The following MATN2 variants were observed in gnomAD, a reference collection of about 807,000 sequenced individuals.
MATN2 encodes matrilin 2.
A neutral mutation model predicts 103.2 loss-of-function variants in MATN2; 69 were observed. The observed-to-expected ratio is 0.67, with a 90% CI of 0.55 to 0.82. The LOEUF (loss-of-function observed/expected upper bound fraction) is 0.82, where lower values mean the gene tolerates loss of function less well. Ranked by LOEUF, MATN2 falls within the 40% of genes least tolerant of loss-of-function variation. The pLI is 0.00. For missense variants in MATN2, 1,023 were observed against 1,211.5 expected (o/e 0.84, Z 2.31); for synonymous variants, 429 against 450.2 (o/e 0.95, Z 0.60).
At chr8:98,011,663 T>G (rs895190575) in intron 10 of MATN2, among the ~76,000 whole-genome samples, 2 of 152,248 alleles carry the variant, frequency 1.3e-5, no homozygotes, top group Non-Finnish European at 2.9e-5. Flanking sequence ...GGAAGCAGTG[T>G]AATTCTATCT....
rs1818719753 is a variant in MATN2, at chr8:97,893,944, G to A, written c.142+5702G>A. On this transcript the variant is annotated intron_variant, in intron 2 of 18. Transcript: ENST00000254898. The stretch of plus-strand genomic sequence containing the variant: ...GTCTTATGAGGTCTTGTTGACATAT[G>A]CATTCTTTTCTAAATTTACCAAACT... 2.0e-5 allele frequency among the ~76,000 whole-genome samples: 3 copies of A among 152,194 alleles called. No homozygotes were observed. The South Asian group carries it at 6.2e-4, about 32-fold the overall frequency.
At chr8:97,883,674 T>G (rs10111414) in intron 1 of MATN2, among the ~76,000 whole-genome samples, 12,814 of 151,654 alleles carry the variant, frequency 0.084, 1,517 homozygotes, top group African/African-American at 0.27. Context: ...TGCCTCAGCC[T>G]CCTGAGTAGC....
intron 4 of MATN2, among the ~76,000 whole-genome samples, chr8:97,958,023 A>G (rs980837358): frequency 3.9e-5 from 6 of 152,002 alleles, no homozygotes; most frequent in Admixed American, 1.3e-4. Context: ...TTCTCTACCT[A>G]CCCTGTGCAG....
intron 7 of MATN2, among the ~76,000 whole-genome samples, chr8:97,996,488 G>C (rs1812592795): frequency 6.6e-6 from 1 of 152,192 alleles, no homozygotes; most frequent in Admixed American, 6.5e-5. Flanking sequence ...TGTATATTCA[G>C]TGGGTATAGC....
Position 98,007,242 on chromosome 8 carries a change from G to A in MATN2, c.1450+15G>A, listed in dbSNP as rs757317098. On this transcript the variant is annotated intron_variant, in intron 9 of 18. Coordinates refer to ENST00000254898, the MANE Select transcript of MATN2 (RefSeq NM_002380.5). The surrounding 1 kb of genome is among the most constrained non-coding windows in gnomAD (Gnocchi z 4.2). ...GACCTGCTCCCGTGAGTCCCTCCGC[G>A]CTCCTCTCATAGGGGAAGGTTTGCA... The A allele has an allele frequency of 8.1e-6, 13 of 1,613,538 alleles. No individual in the cohort carries two copies. Among genetic ancestry groups the A allele is most frequent in the South Asian group, 5.5e-5 (5 of 91,054 alleles).
intron 10 of MATN2, among the ~76,000 whole-genome samples, chr8:98,009,733 G>A (rs1439112196): frequency 2.0e-5 from 3 of 152,194 alleles, no homozygotes; most frequent in Non-Finnish European, 4.4e-5. Context: ...CTCAGGGTGT[G>A]GGGGGTCGGG....
Position 97,888,211 on chromosome 8 carries a change from C to T in MATN2, c.111C>T (p.His37=), listed in dbSNP as rs372776833. 13 of 1,585,358 alleles carry T rather than the reference C, an allele frequency of 8.2e-6. No individual in the cohort carries two copies. Among genetic ancestry groups the T allele is most frequent in the South Asian group, 8.0e-5 (7 of 87,538 alleles). Residue 37 remains histidine (H), a synonymous_variant, in exon 2 of 19, where the codon CAC becomes CAT. Coordinates refer to ENST00000254898, the MANE Select transcript of MATN2 (RefSeq NM_002380.5). ...GGAGGTCCATCTCTAGGGGCAGACA[C>T]GCTCGGACCCACCCGCAGACGGCCC... ...SRGRSISRGR[H]ARTHPQTALL...
chr8:97,893,873 C>T (rs1818717348), intron 2 of MATN2, among the ~76,000 whole-genome samples: 2 of 152,202 alleles, frequency 1.3e-5, no homozygotes, highest in Admixed American at 6.5e-5. Flanking sequence ...CTCCACTCCA[C>T]AAACTACTCT....
intron 3 of MATN2, among the ~76,000 whole-genome samples, chr8:97,937,226 C>T (rs1362360089): frequency 3.9e-5 from 6 of 152,116 alleles, no homozygotes; most frequent in African/African-American, 7.2e-5. Context: ...GGCAGCTCCC[C>T]GATGCAAGGT....
At chr8:97,983,199 A>C (rs1213503344) in intron 6 of MATN2, among the ~76,000 whole-genome samples, 1 of 152,324 alleles carries the variant, frequency 6.6e-6, no homozygotes, top group Non-Finnish European at 1.5e-5. Context: ...TCTGTGTTGT[A>C]GTATATATCA....
rs34316794 is a variant in MATN2, at chr8:97,931,041, G to A, written c.231G>A (p.Lys77=). 4.1e-3 allele frequency: 6,540 copies of A among 1,614,016 alleles called. 304 individuals are homozygous for A. The Admixed American group carries it at 0.09, about 22-fold the overall frequency. Residue 77 remains lysine (K), a synonymous_variant, in exon 3 of 19, where the codon AAG becomes AAA. Transcript: ENST00000254898. The surrounding 1 kb of genome is among the most constrained non-coding windows in gnomAD (Gnocchi z 4.1). ...ACACCCATGACTATGCAAAGGTCAA[G>A]GAGTTCATCGTGGACATCTTGCAAT... ...SVNTHDYAKV[K]EFIVDILQFL...
chr8:97,871,437 G>A (rs186431273), intron 1 of MATN2, among the ~76,000 whole-genome samples: 1 of 152,334 alleles, frequency 6.6e-6, no homozygotes, highest in East Asian at 1.9e-4. Context: ...GGAGAGGTGA[G>A]TGGTTTAAGA....
intron 5 of MATN2, among the ~76,000 whole-genome samples, chr8:97,971,993 C>T (rs1586107412): frequency 6.6e-6 from 1 of 151,402 alleles, no homozygotes; most frequent in Admixed American, 6.6e-5. Context: ...CTCAGGAGTT[C>T]GAGACCAGCC....
chr8:97,906,551 A>T (rs1819177293), intron 2 of MATN2, among the ~76,000 whole-genome samples: 1 of 152,244 alleles, frequency 6.6e-6, no homozygotes, highest in African/African-American at 2.4e-5. Context: ...TTGACCAACC[A>T]GCTACTGAAG....
intron 3 of MATN2, among the ~76,000 whole-genome samples, chr8:97,934,281 T>C (rs906657931): frequency 6.6e-6 from 1 of 152,226 alleles, no homozygotes; most frequent in African/African-American, 2.4e-5. Flanking sequence ...AGTTGCCTCA[T>C]CTGTAAAATG....
chr8:98,009,446 C>A (rs1332977057), intron 10 of MATN2, among the ~76,000 whole-genome samples: 1 of 152,174 alleles, frequency 6.6e-6, no homozygotes, highest in Non-Finnish European at 1.5e-5. Flanking sequence ...TAAGAGTGTC[C>A]TTGGCTCTTT....
At chr8:97,928,478 G>A (rs538468587) in intron 2 of MATN2, among the ~76,000 whole-genome samples, 1 of 152,136 alleles carries the variant, frequency 6.6e-6, no homozygotes, top group Non-Finnish European at 1.5e-5. Context: ...CTCCCGCCTC[G>A]GCCTCCCAAA....
chr8:97,933,916 G>A (rs1049522109), intron 3 of MATN2, among the ~76,000 whole-genome samples: 1 of 152,140 alleles, frequency 6.6e-6, no homozygotes, highest in Non-Finnish European at 1.5e-5. Context: ...TTTCCCTTAT[G>A]TTATCGCAGA....
chr8:97,971,867 T>C (rs1000895443), intron 5 of MATN2, among the ~76,000 whole-genome samples: 1 of 149,852 alleles, frequency 6.7e-6, no homozygotes, highest in Non-Finnish European at 1.5e-5. Flanking sequence ...CATTGACTGG[T>C]TTTTAAATTA....
Sources: allele counts gnomAD v4.1 joint callset (sites outside exome capture counted in the v4.1 genomes callset), GRCh38; gene constraint gnomAD v4.1.1; non-coding constraint Gnocchi (gnomAD v3.1); transcripts MANE v1.5; gene names NCBI Gene and HGNC (gene_info 2026-07-23, HGNC 2026-07-21).